The following EYA4 variants were observed in gnomAD, a reference collection of about 807,000 sequenced individuals.
The protein encoded by EYA4 is protein phosphatase EYA4.
Under a neutral mutation model 87.9 loss-of-function variants are expected in EYA4, and 31 were observed. That is an observed-to-expected ratio of 0.35 (90% CI 0.27 to 0.48). EYA4 has a LOEUF of 0.48. EYA4 is among the 20% of genes least tolerant of loss of function. EYA4 has a pLI of 0.99. For missense variants in EYA4, 678 were observed against 761.4 expected, an observed-to-expected ratio of 0.89 and a Z score of 1.29; for synonymous variants, 263 against 270.6, an observed-to-expected ratio of 0.97 and a Z score of 0.28.
At chr6:133,382,098 A>G (rs1436312418) in intron 2 of EYA4, among the ~76,000 whole-genome samples, 1 of 152,188 alleles carries the variant, frequency 6.6e-6, no homozygotes, top group East Asian at 1.9e-4. Flanking sequence ...TATGCTTTCT[A>G]GTTCCTAAGT....
At chr6:133,249,364 T>C (rs1422305492) in intron 1 of EYA4, among the ~76,000 whole-genome samples, 4 of 152,232 alleles carry the variant, frequency 2.6e-5, no homozygotes, top group Non-Finnish European at 5.9e-5. Context: ...GGGCCCATTC[T>C]GGACTGTGTT....
chr6:133,279,870 C>A (rs1777484165), intron 2 of EYA4, among the ~76,000 whole-genome samples: 2 of 152,088 alleles, frequency 1.3e-5, no homozygotes, highest in Admixed American at 6.5e-5. Context: ...ACTTCAGAAC[C>A]ACCAATTTAT....
Position 133,525,270 on chromosome 6 carries a change from C to A in EYA4, c.1839+16C>A. 6.3e-7 allele frequency: 1 copy of A among 1,599,352 alleles called. No individual in the cohort carries two copies. The highest frequency in any genetic ancestry group is 8.6e-7 in the Non-Finnish European group (1 of 1,166,862). On this transcript the variant is annotated intron_variant, in intron 19 of 19. Transcript: ENST00000355286. Reference sequence around the variant, plus strand: ...AGCAAAAAAGGTAACCTGTCTCAAACAATGTCGGTGTGATACTTCTAATGC... The same window carrying A: ...AGCAAAAAAGGTAACCTGTCTCAAAAAATGTCGGTGTGATACTTCTAATGC...
At chr6:133,384,380 A>G (rs1786514856) in intron 3 of EYA4, among the ~76,000 whole-genome samples, 1 of 152,186 alleles carries the variant, frequency 6.6e-6, no homozygotes, top group Admixed American at 6.5e-5. Flanking sequence ...TCTAAATGGA[A>G]AAGTAGCCAG....
chr6:133,509,299 T>C (rs1317391184), intron 14 of EYA4, among the ~76,000 whole-genome samples: 1 of 152,072 alleles, frequency 6.6e-6, no homozygotes, highest in Non-Finnish European at 1.5e-5. Flanking sequence ...TGATTTCTAC[T>C]CTTGTTGACA....
At chr6:133,519,291 G>A (rs1321761836) in intron 17 of EYA4, among the ~76,000 whole-genome samples, 19 of 151,814 alleles carry the variant, frequency 1.3e-4, no homozygotes, top group South Asian at 4.2e-4. Flanking sequence ...TCAAATAGAC[G>A]CAATAAAAAA....
chr6:133,294,440 G>A (rs532251434), intron 2 of EYA4, among the ~76,000 whole-genome samples: 46 of 149,204 alleles, frequency 3.1e-4, no homozygotes, highest in African/African-American at 9.9e-4. Context: ...GTTCACAGAC[G>A]CAGTTATAAC....
At chr6:133,257,578 C>T (rs1271582438) in intron 1 of EYA4, among the ~76,000 whole-genome samples, 1 of 152,070 alleles carries the variant, frequency 6.6e-6, no homozygotes, top group African/African-American at 2.4e-5. Context: ...GCCTATTAAT[C>T]AGGGAAGCTA....
chr6:133,331,373 T>C lies in EYA4; in HGVS notation c.34-51019T>C, dbSNP rs541005133. Among the ~76,000 whole-genome samples the C allele has an allele frequency of 7.2e-5, 11 of 152,286 alleles. No homozygotes were observed. The South Asian group carries it at 1.5e-3, about 20-fold the overall frequency. On this transcript the variant is annotated intron_variant, in intron 2 of 19. Transcript: ENST00000355286. ...CAGAATGGCAGAACCCAATAAATAA[T>C]TCACTTTCTTAAGGACCTACTGATG...
chr6:133,447,889 A>T (rs922056263), intron 4 of EYA4, among the ~76,000 whole-genome samples: 20 of 152,240 alleles, frequency 1.3e-4, no homozygotes, highest in Non-Finnish European at 4.4e-5. Context: ...AATAAAATTT[A>T]AAAACTCAAG....
At chr6:133,337,073 A>C (rs1472881929) in intron 2 of EYA4, among the ~76,000 whole-genome samples, 2 of 152,188 alleles carry the variant, frequency 1.3e-5, no homozygotes, top group African/African-American at 4.8e-5. Flanking sequence ...TTCTGAATAC[A>C]TGCTGTGCTG....
At chr6:133,373,416 A>G (rs1458584992) in intron 2 of EYA4, among the ~76,000 whole-genome samples, 1 of 152,106 alleles carries the variant, frequency 6.6e-6, no homozygotes, top group Non-Finnish European at 1.5e-5. Flanking sequence ...TTAAATTTTT[A>G]AGATGATTTT....
chr6:133,425,911 A>G (rs1790630088), intron 3 of EYA4, among the ~76,000 whole-genome samples: 1 of 150,808 alleles, frequency 6.6e-6, no homozygotes, highest in African/African-American at 2.5e-5. Flanking sequence ...AAGATGCTCT[A>G]TGCTTTTCAC....
At chr6:133,369,766 G>A (rs75253705) in intron 2 of EYA4, among the ~76,000 whole-genome samples, 13,637 of 152,212 alleles carry the variant, frequency 0.09, 767 homozygotes, top group East Asian at 0.15. Flanking sequence ...TTTGCTTTTT[G>A]AAAATTTAAT....
At chr6:133,240,725 C>T (rs536338316), upstream of EYA4, 11 of 152,336 alleles carry the variant, frequency 7.2e-5, no homozygotes, top group Non-Finnish European at 1.6e-4. Context: ...ACATATATCT[C>T]CACGGAAAAG....
Position 133,388,750 on chromosome 6 carries a change from G to A in EYA4, c.83+6309G>A, listed in dbSNP as rs780411326. Among the ~76,000 whole-genome samples the A allele has an allele frequency of 1.8e-4, 27 of 152,154 alleles. 1 individual carries two copies. The highest frequency in any genetic ancestry group is 4.8e-5 in the African/African-American group (2 of 41,426). On this transcript the variant is annotated intron_variant, in intron 3 of 19. Transcript: ENST00000355286. ...AAGGAATAGGCTACAACCAAAAGGAGGAAGGGCCTCACAGTGGCATTTCTT... is the reference window on the plus strand; with the variant it reads ...AAGGAATAGGCTACAACCAAAAGGAAGAAGGGCCTCACAGTGGCATTTCTT...
chr6:133,347,699 G>C (rs551004443), intron 2 of EYA4, among the ~76,000 whole-genome samples: 4 of 152,210 alleles, frequency 2.6e-5, no homozygotes, highest in African/African-American at 9.6e-5. Flanking sequence ...GATAACTGTT[G>C]TTATGCCTAT....
At chr6:133,326,886 A>T (rs1215218749) in intron 2 of EYA4, among the ~76,000 whole-genome samples, 3 of 152,106 alleles carry the variant, frequency 2.0e-5, no homozygotes, top group Non-Finnish European at 2.9e-5. Context: ...CTAGGCTCTC[A>T]GAACTGGCCT....
intron 3 of EYA4, among the ~76,000 whole-genome samples, chr6:133,397,286 G>C (rs1282681823): frequency 1.3e-5 from 2 of 152,168 alleles, no homozygotes; most frequent in Non-Finnish European, 2.9e-5. Flanking sequence ...GAGTCAATAA[G>C]CTCCAGATCC....
Sources: gnomAD v4.1 joint callset for allele counts (sites outside exome capture counted in the v4.1 genomes callset) on GRCh38, gnomAD v4.1.1 for gene constraint, MANE v1.5 for transcripts, NCBI Gene and HGNC (gene_info 2026-07-23, HGNC 2026-07-21) for gene names.